Variants in BSPH1 observed in about 807,000 individuals in gnomAD.
BSPH1 encodes binder of sperm 1.
In BSPH1, 21 loss-of-function variants were observed where a neutral mutation model predicts 22.5. The observed-to-expected ratio is 0.93, with a 90% CI of 0.66 to 1.35. The LOEUF is 1.35. Ranked by LOEUF, BSPH1 falls within the 40% of genes most tolerant of loss-of-function variation. The pLI, the probability that BSPH1 is intolerant of heterozygous loss-of-function variation, is 0.00. For missense variants in BSPH1, 141 were observed against 154.2 expected (o/e 0.91, Z 0.45); for synonymous variants, 42 against 53.6 (o/e 0.78, Z 0.95).
At chr19:47,979,214 G>A (rs1286391108) in intron 3 of BSPH1, among the ~76,000 whole-genome samples, 1 of 149,830 alleles carries the variant, frequency 6.7e-6, no homozygotes, top group Non-Finnish European at 1.5e-5. Context: ...ATTCCATGTT[G>A]CTTATATTAC....
chr19:47,974,008 G>T (rs1429593334), intron 5 of BSPH1, among the ~76,000 whole-genome samples: 1 of 152,098 alleles, frequency 6.6e-6, no homozygotes, highest in Non-Finnish European at 1.5e-5. Flanking sequence ...CCATGAGCAG[G>T]TATAGCTGTG....
chr19:47,979,665 G>A (rs138975608), intron 2 of BSPH1, 66 bp from the exon 3 acceptor site: 56 of 654,134 alleles, frequency 8.6e-5, no homozygotes, highest in African/African-American at 2.5e-4. Context: ...GGGCTCTTAC[G>A]TAAAATAAAA....
chr19:47,976,881 G>T, intron 4 of BSPH1, 27 bp from the exon 5 acceptor site: 1 of 1,549,840 alleles, frequency 6.5e-7, no homozygotes. Flanking sequence ...GGAAGAAGCA[G>T]AGTAAGAAAC....
intron 5 of BSPH1, among the ~76,000 whole-genome samples, chr19:47,975,472 C>CT (rs1969352838): frequency 6.6e-6 from 1 of 152,210 alleles, no homozygotes; most frequent in Non-Finnish European, 1.5e-5. Context: ...GCCCCAGTGG[C>CT]TTTCCCTCAC....
intron 2 of BSPH1, among the ~76,000 whole-genome samples, chr19:47,980,613 C>T (rs1257866364): frequency 3.3e-5 from 5 of 151,520 alleles, no homozygotes; most frequent in Admixed American, 2.6e-4. Flanking sequence ...GGACTACAGG[C>T]GCCCGCCACC....
At chr19:47,974,372 C>T (rs546760184) in intron 5 of BSPH1, among the ~76,000 whole-genome samples, 186 of 150,242 alleles carry the variant, frequency 1.2e-3, no homozygotes, top group Non-Finnish European at 2.2e-3. Context: ...CGGGTTCAAG[C>T]GATTCTCCTG....
At chr19:47,977,255 T>C (rs866965668) in intron 4 of BSPH1, 118 bp downstream of exon 4, 1 of 734,318 alleles carries the variant, frequency 1.4e-6, no homozygotes, top group Middle Eastern at 2.8e-4. Context: ...ACATCCTTTA[T>C]TTTCACAACT....
intron 1 of BSPH1, among the ~76,000 whole-genome samples, chr19:47,984,673 C>T (rs779590279): frequency 2.0e-5 from 3 of 152,068 alleles, no homozygotes; most frequent in Admixed American, 2.0e-4. Flanking sequence ...CACATGTTCT[C>T]ACTTATAAGT....
At chr19:47,980,844 G>T in intron 2 of BSPH1, 77 bp downstream of exon 2, 1 of 738,050 alleles carries the variant, frequency 1.4e-6, no homozygotes, top group South Asian at 1.8e-5. Context: ...TACCAGGAAA[G>T]GGAATACTCA....
chr19:47,980,969 TTA>T (rs1491292633), intron 1 of BSPH1, 28 bp from the exon 2 acceptor site: 24 of 1,259,184 alleles, frequency 1.9e-5, no homozygotes, highest in Non-Finnish European at 2.5e-5. Flanking sequence ...GAACAAATAT[TTA>T]TGTCACTTTA....
chr19:47,989,377 C>T (rs1008287497), intron 1 of BSPH1, among the ~76,000 whole-genome samples: 4 of 151,910 alleles, frequency 2.6e-5, no homozygotes, highest in Non-Finnish European at 5.9e-5. Context: ...AACTCCTGAC[C>T]TTGTGATCCG....
intron 1 of BSPH1, among the ~76,000 whole-genome samples, chr19:47,991,199 C>T (rs960785567): frequency 2.6e-5 from 4 of 151,936 alleles, no homozygotes; most frequent in African/African-American, 7.3e-5. Flanking sequence ...AATACAGCGC[C>T]GACCACACCA....
chr19:47,975,536 C>T (rs1426995928), intron 5 of BSPH1, among the ~76,000 whole-genome samples: 1 of 152,200 alleles, frequency 6.6e-6, no homozygotes, highest in African/African-American at 2.4e-5. Flanking sequence ...CATATCTGAC[C>T]CTTTTTAAAC....
intron 5 of BSPH1, among the ~76,000 whole-genome samples, chr19:47,971,442 G>A (rs1257881264): frequency 6.6e-6 from 1 of 152,224 alleles, no homozygotes; most frequent in Non-Finnish European, 1.5e-5. Flanking sequence ...CTGACCTCAG[G>A]TGATCTGCCC....
chr19:47,974,171 G>T (rs567178950), intron 5 of BSPH1, among the ~76,000 whole-genome samples: 2 of 151,872 alleles, frequency 1.3e-5, no homozygotes, highest in Non-Finnish European at 2.9e-5. Context: ...TGACCAATGG[G>T]ATGCACTGGC....
intron 5 of BSPH1, among the ~76,000 whole-genome samples, chr19:47,973,843 C>A (rs1969334886): frequency 6.6e-6 from 1 of 152,132 alleles, no homozygotes; most frequent in South Asian, 2.1e-4. Flanking sequence ...CATTCACTGC[C>A]ATCTTTTCTT....
intron 3 of BSPH1, 157 bp from the exon 4 acceptor site, chr19:47,977,661 T>G: frequency 1.0e-6 from 1 of 985,384 alleles, no homozygotes; most frequent in South Asian, 4.7e-5. Context: ...GCTTTGGCTC[T>G]CTAATGACAA....
intron 5 of BSPH1, 103 bp downstream of exon 5, chr19:47,976,606 AC>A: frequency 2.1e-5 from 16 of 752,122 alleles, no homozygotes; most frequent in Non-Finnish European, 2.7e-5. Flanking sequence ...ACAAAAAAAA[AC>A]CCTCTCTAAT....
At chr19:47,982,301 A>G (rs1038445400) in intron 1 of BSPH1, among the ~76,000 whole-genome samples, 1 of 152,204 alleles carries the variant, frequency 6.6e-6, no homozygotes, top group African/African-American at 2.4e-5. Context: ...AAGAGCAATG[A>G]CTTAATTTTT....
Sources: allele counts gnomAD v4.1 joint callset (sites outside exome capture counted in the v4.1 genomes callset), GRCh38; gene constraint gnomAD v4.1.1; transcripts MANE v1.5; gene names NCBI Gene and HGNC (gene_info 2026-07-23, HGNC 2026-07-21).